Variants in WDPCP observed in about 807,000 individuals in gnomAD.
The protein encoded by WDPCP is WD repeat containing planar cell polarity effector.
In WDPCP, 71 loss-of-function variants were observed where a neutral mutation model predicts 93.1. The observed-to-expected ratio is 0.76, with a 90% CI of 0.63 to 0.93. The LOEUF is 0.93. WDPCP is among the 40% of genes least tolerant of loss of function. The probability of loss-of-function intolerance (pLI) is 0.00; values close to 1 mark genes in which losing one functional copy is unlikely to be tolerated. For synonymous variants in WDPCP, 315 were observed against 315.0 expected, an observed-to-expected ratio of 1.00 and a Z score of 0.00; for missense variants, 844 against 887.4, an observed-to-expected ratio of 0.95 and a Z score of 0.62.
At chr2:63,821,633 A>C (rs1575782297) in intron 1 of WDPCP, among the ~76,000 whole-genome samples, 1 of 152,182 alleles carries the variant, frequency 6.6e-6, no homozygotes, top group East Asian at 1.9e-4. Context: ...AGAGTGGACC[A>C]TGGTGAACTA....
chr2:63,446,675 C>T (rs1010431725), intron 6 of WDPCP, among the ~76,000 whole-genome samples: 3 of 152,188 alleles, frequency 2.0e-5, no homozygotes, highest in Admixed American at 2.0e-4. Context: ...CAGCAGTCCA[C>T]AGGAAACCCA....
At chr2:63,771,086 C>G (rs951115081) in intron 2 of WDPCP, among the ~76,000 whole-genome samples, 1 of 150,544 alleles carries the variant, frequency 6.6e-6, no homozygotes, top group African/African-American at 2.4e-5. Context: ...CTTTAGGGTC[C>G]TCAATAATTT....
intron 9 of WDPCP, among the ~76,000 whole-genome samples, chr2:63,414,951 A>T (rs1406807197): frequency 6.6e-6 from 1 of 152,194 alleles, no homozygotes; most frequent in Non-Finnish European, 1.5e-5. Flanking sequence ...ATTACTCTTA[A>T]AAGCCAGTCA....
intron 14 of WDPCP, among the ~76,000 whole-genome samples, chr2:63,217,346 G>GTGGCCCACAAAACCTAAAATA (rs1377367138): frequency 6.6e-6 from 1 of 152,204 alleles, no homozygotes; most frequent in African/African-American, 2.4e-5. Context: ...CAGAAACTGT[G>GTGGCCCACAAAACCTAAAATA]TGGCCCACAA....
chr2:63,767,395 G>A (rs370204418), intron 2 of WDPCP, among the ~76,000 whole-genome samples: 1 of 152,046 alleles, frequency 6.6e-6, no homozygotes, highest in East Asian at 1.9e-4. Context: ...TGGATGTATG[G>A]CTTAACTTTT....
intron 13 of WDPCP, among the ~76,000 whole-genome samples, chr2:63,281,555 A>G (rs747553100): frequency 6.6e-6 from 1 of 152,240 alleles, no homozygotes; most frequent in Non-Finnish European, 1.5e-5. Flanking sequence ...AAAATTTGCA[A>G]TTGCAAAAAT....
chr2:63,335,916 C>T (rs947143495), intron 12 of WDPCP, among the ~76,000 whole-genome samples: 11 of 152,118 alleles, frequency 7.2e-5, no homozygotes, highest in African/African-American at 1.2e-4. Context: ...AAAATGGCAA[C>T]GAGAGCGACC....
intron 12 of WDPCP, among the ~76,000 whole-genome samples, chr2:63,334,059 C>T (rs1249900200): frequency 2.6e-5 from 4 of 152,118 alleles, no homozygotes; most frequent in Non-Finnish European, 5.9e-5. Flanking sequence ...AAAAACACAT[C>T]CATTGGAATT....
At chr2:63,692,663 T>C (rs1348625871) in intron 2 of WDPCP, among the ~76,000 whole-genome samples, 2 of 152,224 alleles carry the variant, frequency 1.3e-5, no homozygotes, top group Non-Finnish European at 1.5e-5. Context: ...TAGATAGGCC[T>C]TAAATGATTT....
At chr2:63,574,138 T>C (rs970685846) in intron 1 of WDPCP, among the ~76,000 whole-genome samples, 5 of 152,200 alleles carry the variant, frequency 3.3e-5, no homozygotes, top group Admixed American at 6.6e-5. Context: ...TATTACCTTG[T>C]GCAGCACGTG....
chr2:63,437,807 T>A, intron 7 of WDPCP: 1 of 1,519,906 alleles, frequency 6.6e-7, no homozygotes, highest in East Asian at 2.3e-5. Context: ...CACCAATGGA[T>A]GAGATGTATT....
intron 14 of WDPCP, among the ~76,000 whole-genome samples, chr2:63,251,180 A>G (rs559487321): frequency 4.6e-5 from 7 of 152,172 alleles, no homozygotes; most frequent in Non-Finnish European, 8.8e-5. Context: ...AACGACACCA[A>G]AAGTTTATAC....
At chr2:63,725,373 G>C (rs1558895574) in intron 2 of WDPCP, among the ~76,000 whole-genome samples, 1 of 152,084 alleles carries the variant, frequency 6.6e-6, no homozygotes, top group Non-Finnish European at 1.5e-5. Context: ...AAAGGACATA[G>C]TTTCATTCTT....
intron 1 of WDPCP, among the ~76,000 whole-genome samples, chr2:63,510,424 AC>A (rs1702157967): frequency 6.6e-6 from 1 of 152,230 alleles, no homozygotes; most frequent in Non-Finnish European, 1.5e-5. Flanking sequence ...TATTGGTGAA[AC>A]ACATCTCAAA....
intron 13 of WDPCP, among the ~76,000 whole-genome samples, chr2:63,276,314 A>G (rs1683086846): frequency 6.6e-6 from 1 of 152,184 alleles, no homozygotes; most frequent in Non-Finnish European, 1.5e-5. Context: ...ATGATAAAAC[A>G]AGGTTCTTTA....
intron 1 of WDPCP, among the ~76,000 whole-genome samples, chr2:63,565,568 T>C (rs979625230): frequency 3.9e-5 from 6 of 152,236 alleles, no homozygotes; most frequent in African/African-American, 1.4e-4. Flanking sequence ...TGAATCATTG[T>C]ATCTTACCAA....
chr2:63,304,063 T>TA (rs1685537034), intron 13 of WDPCP, among the ~76,000 whole-genome samples: 1 of 151,510 alleles, frequency 6.6e-6, no homozygotes, highest in African/African-American at 2.4e-5. Flanking sequence ...ACTACTTCTA[T>TA]AAAAAACAGT....
chr2:63,122,807 A>G (rs1669636272), intron 17 of WDPCP, among the ~76,000 whole-genome samples: 1 of 152,192 alleles, frequency 6.6e-6, no homozygotes, highest in Admixed American at 6.5e-5. Flanking sequence ...TTACACTATC[A>G]TGTCATAATT....
chr2:63,693,279 C>T (rs533088302), intron 2 of WDPCP, among the ~76,000 whole-genome samples: 6 of 152,140 alleles, frequency 3.9e-5, no homozygotes, highest in Admixed American at 1.3e-4. Flanking sequence ...AAAATATGTT[C>T]GTATACCCAT....
Sources: gnomAD v4.1 joint callset for allele counts (sites outside exome capture counted in the v4.1 genomes callset) on GRCh38, gnomAD v4.1.1 for gene constraint, MANE v1.5 for transcripts, NCBI Gene and HGNC (gene_info 2026-07-23, HGNC 2026-07-21) for gene names.